The following MBNL2 variants were observed in gnomAD, a reference collection of about 807,000 sequenced individuals.
The protein encoded by MBNL2 is muscleblind-like protein 2.
Under a neutral mutation model 41.9 loss-of-function variants are expected in MBNL2, and 17 were observed. That is an observed-to-expected ratio of 0.41 (90% CI 0.28 to 0.61). The LOEUF is 0.61. MBNL2 is among the 20% of genes least tolerant of loss of function. The probability of loss-of-function intolerance (pLI) is 0.35; values close to 1 mark genes in which losing one functional copy is unlikely to be tolerated. For missense variants in MBNL2, 336 were observed against 505.6 expected (o/e 0.66, Z 3.22); for synonymous variants, 195 against 182.9 (o/e 1.07, Z -0.53).
the MBNL2 span, among the ~76,000 whole-genome samples, chr13:97,176,636 G>A: frequency 6.6e-6 from 1 of 152,170 alleles, no homozygotes; most frequent in African/African-American, 2.4e-5. Flanking sequence ...AGCTTAGCCT[G>A]CATAAGAATT....
At chr13:97,180,337 C>A in the MBNL2 span, among the ~76,000 whole-genome samples, 16 of 152,230 alleles carry the variant, frequency 1.1e-4, no homozygotes, top group East Asian at 2.7e-3. Context: ...TTTGTGACCA[C>A]TGGGTGATGA....
intron 1 of MBNL2, among the ~76,000 whole-genome samples, chr13:97,233,944 C>T (rs1777737685): frequency 6.7e-6 from 1 of 149,230 alleles, no homozygotes; most frequent in African/African-American, 2.5e-5. Context: ...CCCCACCACA[C>T]CACTCCTTGG....
chr13:97,169,895 C>T, the MBNL2 span, among the ~76,000 whole-genome samples: 1 of 152,190 alleles, frequency 6.6e-6, no homozygotes, highest in South Asian at 2.1e-4. Context: ...CAATGCTGCA[C>T]TTGATTTCTT....
At chr13:97,353,768 A>T (rs2062720748) in intron 5 of MBNL2, among the ~76,000 whole-genome samples, 1 of 152,190 alleles carries the variant, frequency 6.6e-6, no homozygotes, top group African/African-American at 2.4e-5. Context: ...GCTCACATAC[A>T]TCAAAATGGA....
the MBNL2 span, among the ~76,000 whole-genome samples, chr13:97,192,733 C>A: frequency 6.6e-6 from 1 of 152,204 alleles, no homozygotes; most frequent in Non-Finnish European, 1.5e-5. Context: ...GGCCCAGGAA[C>A]CTGTGGCCAC....
intron 2 of MBNL2, among the ~76,000 whole-genome samples, chr13:97,305,688 G>A (rs2058059058): frequency 6.6e-6 from 1 of 152,062 alleles, no homozygotes; most frequent in Admixed American, 6.6e-5. Context: ...TCCATTACTT[G>A]AGCTTGGGAG....
At chr13:97,229,736 T>C (rs1220872614) in intron 1 of MBNL2, among the ~76,000 whole-genome samples, 1 of 152,072 alleles carries the variant, frequency 6.6e-6, no homozygotes, top group Non-Finnish European at 1.5e-5. Flanking sequence ...GGAGTCAGGA[T>C]ATGAATGAGC....
chr13:97,287,192 A>G (rs1169412700), intron 2 of MBNL2, among the ~76,000 whole-genome samples: 2 of 152,204 alleles, frequency 1.3e-5, no homozygotes, highest in African/African-American at 4.8e-5. Flanking sequence ...TCCTAAAAGC[A>G]GGTCACATGG....
At chr13:97,161,048 G>T in the MBNL2 span, among the ~76,000 whole-genome samples, 1 of 151,754 alleles carries the variant, frequency 6.6e-6, no homozygotes, top group Admixed American at 6.6e-5. Context: ...TAGAAATGAG[G>T]AATTGAAAGC....
chr13:97,258,693 A>G (rs77705175), intron 1 of MBNL2, among the ~76,000 whole-genome samples: 1 of 152,298 alleles, frequency 6.6e-6, no homozygotes, highest in East Asian at 1.9e-4. Flanking sequence ...ATCCCATATC[A>G]GGTTCTGTGC....
At chr13:97,232,910 A>T (rs796815162) in intron 1 of MBNL2, among the ~76,000 whole-genome samples, 9 of 148,126 alleles carry the variant, frequency 6.1e-5, no homozygotes, top group African/African-American at 2.3e-4. Context: ...CACTGAATGA[A>T]CTTAAACAAC....
the MBNL2 span, among the ~76,000 whole-genome samples, chr13:97,200,416 T>C: frequency 4.6e-5 from 7 of 152,236 alleles, no homozygotes; most frequent in South Asian, 1.2e-3. Flanking sequence ...TGGCAAGTAC[T>C]AACCCAGAAC....
the MBNL2 span, among the ~76,000 whole-genome samples, chr13:97,195,369 G>T: frequency 5.9e-5 from 9 of 151,956 alleles, no homozygotes; most frequent in Non-Finnish European, 1.3e-4. Flanking sequence ...TAGAACATTT[G>T]TCTCTCCCAA....
chr13:97,366,519 G>C lies in MBNL2; in HGVS notation c.1048+1348G>C. On this transcript the variant is annotated intron_variant, in intron 8 of 8. Transcript: ENST00000679496. The surrounding 1 kb of genome is among the most constrained non-coding windows in gnomAD (Gnocchi z 4.7). ...TCTGCAGCAACAACTCCTGCAACAA[G>C]TGTCCCCTTCGCAGCAACAGCCACA... 2 of 1,613,494 alleles carry C rather than the reference G, an allele frequency of 1.2e-6. No homozygotes were observed. The highest frequency in any genetic ancestry group is 4.5e-5 in the East Asian group (2 of 44,848).
At position 97,391,705 on chromosome 13, in the gene MBNL2, T is replaced by G. The variant is rs886115637; in HGVS notation, c.*256T>G. 1 of 354,178 alleles carries G rather than the reference T, an allele frequency of 2.8e-6. No homozygotes were observed. The highest frequency in any genetic ancestry group is 2.1e-5 in the African/African-American group (1 of 46,716). 21.9% of individuals were successfully genotyped at this position (354,178 alleles called of 1,614,324 possible). On this transcript the variant is annotated 3_prime_UTR_variant, in exon 9 of 9. Coordinates refer to ENST00000679496, the MANE Select transcript of MBNL2 (RefSeq NM_001382683.1). ...CAGAAAGTCCAGCCAGTTTACTCAT[T>G]TCGATTCAGAATATTTCAAATTTAG... is the stretch of plus-strand genomic sequence containing the variant.
At chr13:97,243,886 T>C (rs1392649792) in intron 1 of MBNL2, among the ~76,000 whole-genome samples, 1 of 152,146 alleles carries the variant, frequency 6.6e-6, no homozygotes, top group African/African-American at 2.4e-5. Context: ...TTGTTATCAT[T>C]CATCAGAAGT....
At chr13:97,387,572 T>TC (rs1247780104) in intron 8 of MBNL2, among the ~76,000 whole-genome samples, 1 of 152,170 alleles carries the variant, frequency 6.6e-6, no homozygotes, top group African/African-American at 2.4e-5. Flanking sequence ...TGAAGCAGGC[T>TC]CCATGAGGCA....
At chr13:97,338,760 C>T (rs1393310976) in intron 3 of MBNL2, among the ~76,000 whole-genome samples, 8 of 152,198 alleles carry the variant, frequency 5.3e-5, no homozygotes, top group Non-Finnish European at 8.8e-5. Flanking sequence ...GTCTTGTGCC[C>T]TCCGGAGCTG....
the MBNL2 span, among the ~76,000 whole-genome samples, chr13:97,180,003 A>G: frequency 1.3e-5 from 2 of 152,250 alleles, no homozygotes; most frequent in African/African-American, 4.8e-5. Context: ...TTCATAAAAA[A>G]ATGAGTTTGT....
Sources: gnomAD v4.1 joint callset for allele counts (sites outside exome capture counted in the v4.1 genomes callset) on GRCh38, gnomAD v4.1.1 for gene constraint, Gnocchi (gnomAD v3.1) non-coding constraint, MANE v1.5 for transcripts, NCBI Gene and HGNC (gene_info 2026-07-23, HGNC 2026-07-21) for gene names.